NCKAP5: variants seen among roughly 807,000 people sequenced by gnomAD.
The protein encoded by NCKAP5 is nck-associated protein 5.
In NCKAP5, 92 loss-of-function variants were observed where a neutral mutation model predicts 167.0. The observed-to-expected ratio is 0.55, with a 90% CI of 0.47 to 0.66. The LOEUF (loss-of-function observed/expected upper bound fraction) is 0.66, where lower values mean the gene tolerates loss of function less well. Ranked by LOEUF, NCKAP5 falls within the 30% of genes least tolerant of loss-of-function variation. NCKAP5 has a pLI of 0.00. For missense variants in NCKAP5, 2,378 were observed against 2,315.0 expected, an observed-to-expected ratio of 1.03 and a Z score of -0.56; for synonymous variants, 891 against 877.4, an observed-to-expected ratio of 1.02 and a Z score of -0.27.
At chr2:132,997,119 C>T (rs2077626670) in intron 6 of NCKAP5, among the ~76,000 whole-genome samples, 1 of 152,144 alleles carries the variant, frequency 6.6e-6, no homozygotes, top group African/African-American at 2.4e-5. Flanking sequence ...TGTAGGAAGC[C>T]CATTGCAGTA....
At chr2:132,695,936 C>T (rs1034509618) in intron 19 of NCKAP5, among the ~76,000 whole-genome samples, 1 of 152,110 alleles carries the variant, frequency 6.6e-6, no homozygotes, top group Non-Finnish European at 1.5e-5. Context: ...TATTTTTCTT[C>T]TGAAGATTAA....
At chr2:133,392,116 G>A (rs1047525000) in intron 3 of NCKAP5, among the ~76,000 whole-genome samples, 1 of 152,182 alleles carries the variant, frequency 6.6e-6, no homozygotes, top group East Asian at 1.9e-4. Flanking sequence ...TACATCTACA[G>A]TTATGGGCTG....
At chr2:133,527,911 A>G (rs1685056469) in intron 2 of NCKAP5, among the ~76,000 whole-genome samples, 1 of 152,072 alleles carries the variant, frequency 6.6e-6, no homozygotes, top group South Asian at 2.1e-4. Context: ...AGGAAAAATA[A>G]AAAACTAGCC....
chr2:133,277,705 A>G (rs1435511912), intron 4 of NCKAP5, among the ~76,000 whole-genome samples: 1 of 152,186 alleles, frequency 6.6e-6, no homozygotes, highest in East Asian at 1.9e-4. Flanking sequence ...ACTAAGAAAG[A>G]AAATCCAGGA....
At chr2:132,993,524 C>T (rs1415100043) in intron 7 of NCKAP5, among the ~76,000 whole-genome samples, 1 of 152,180 alleles carries the variant, frequency 6.6e-6, no homozygotes. Flanking sequence ...TCCTTGTTGC[C>T]TGAGATGCAA....
chr2:133,483,537 T>C (rs1575039407), intron 3 of NCKAP5, among the ~76,000 whole-genome samples: 2 of 151,622 alleles, frequency 1.3e-5, no homozygotes, highest in South Asian at 4.2e-4. Flanking sequence ...CTCTGTTGGG[T>C]TTACAAAAGA....
chr2:133,199,863 C>G (rs1264567447), intron 5 of NCKAP5, among the ~76,000 whole-genome samples: 1 of 151,764 alleles, frequency 6.6e-6, no homozygotes, highest in African/African-American at 2.4e-5. Flanking sequence ...TAATCAGCAA[C>G]TAAAGGAAGG....
At chr2:133,268,413 CAA>C in intron 4 of NCKAP5, 1 of 150,906 alleles carries the variant, frequency 6.6e-6, no homozygotes, top group South Asian at 2.1e-4. Context: ...AAGTGGAGCT[CAA>C]GTGTTACTTT....
intron 5 of NCKAP5, among the ~76,000 whole-genome samples, chr2:133,191,715 C>G (rs2085228395): frequency 6.6e-6 from 1 of 152,064 alleles, no homozygotes. Flanking sequence ...GGGAATTGAA[C>G]AATGAGAACA....
intron 3 of NCKAP5, among the ~76,000 whole-genome samples, chr2:133,436,195 T>C (rs1489679421): frequency 6.6e-6 from 1 of 152,134 alleles, no homozygotes; most frequent in Non-Finnish European, 1.5e-5. Context: ...CTAACATTCT[T>C]CTAGTGCAAG....
intron 3 of NCKAP5, among the ~76,000 whole-genome samples, chr2:133,481,079 C>T (rs1029001174): frequency 1.3e-4 from 20 of 152,312 alleles, no homozygotes; most frequent in African/African-American, 4.6e-4. Flanking sequence ...AAGAAAAGTT[C>T]TGTACACATA....
At chr2:133,525,611 C>T (rs574411257) in intron 2 of NCKAP5, among the ~76,000 whole-genome samples, 1 of 152,340 alleles carries the variant, frequency 6.6e-6, no homozygotes, top group South Asian at 2.1e-4. Flanking sequence ...ATTTCTCTCA[C>T]TATTAAAACA....
At chr2:133,318,600 G>A (rs1221420960) in intron 3 of NCKAP5, among the ~76,000 whole-genome samples, 2 of 152,162 alleles carry the variant, frequency 1.3e-5, no homozygotes, top group Non-Finnish European at 2.9e-5. Context: ...CTCCTGAGGG[G>A]CCAAACCAAA....
chr2:133,348,112 C>T (rs374462896), intron 3 of NCKAP5, among the ~76,000 whole-genome samples: 5 of 152,134 alleles, frequency 3.3e-5, no homozygotes, highest in Non-Finnish European at 5.9e-5. Flanking sequence ...TTTTAGACTT[C>T]TCAGAGATCT....
At chr2:133,651,564 G>GA in the NCKAP5 span, among the ~76,000 whole-genome samples, 1 of 152,096 alleles carries the variant, frequency 6.6e-6, no homozygotes, top group African/African-American at 2.4e-5. Context: ...CACTGTTGGT[G>GA]AAAATGTGAC....
intron 9 of NCKAP5, among the ~76,000 whole-genome samples, chr2:132,872,107 G>T (rs1309477754): frequency 6.6e-6 from 1 of 152,238 alleles, no homozygotes; most frequent in African/African-American, 2.4e-5. Flanking sequence ...AAGGGCAGCA[G>T]CTGTGCTAGG....
intron 6 of NCKAP5, chr2:133,119,025 G>A (rs769416724): frequency 6.6e-6 from 1 of 152,208 alleles, no homozygotes; most frequent in Non-Finnish European, 1.5e-5. Flanking sequence ...TTTTGAGACG[G>A]AGTTTCCCTC....
At chr2:133,613,560 G>GA in the NCKAP5 span, among the ~76,000 whole-genome samples, 1 of 152,196 alleles carries the variant, frequency 6.6e-6, no homozygotes, top group Admixed American at 6.5e-5. Context: ...TCTAAGATAT[G>GA]AAACAGAGTT....
chr2:132,900,965 C>CAAAA (rs1421394476), intron 8 of NCKAP5, among the ~76,000 whole-genome samples: 1 of 31,636 alleles, frequency 3.2e-5, no homozygotes. Flanking sequence ...GACTCTGTCT[C>CAAAA]AAAAAAAAAA....
Sources: allele counts gnomAD v4.1 joint callset (sites outside exome capture counted in the v4.1 genomes callset), GRCh38; gene constraint gnomAD v4.1.1; transcripts MANE v1.5; gene names NCBI Gene and HGNC (gene_info 2026-07-23, HGNC 2026-07-21).